Variants in SPDYE4 observed in about 807,000 individuals in gnomAD.
SPDYE4 encodes the protein speedy protein E4.
A neutral mutation model predicts 37.5 loss-of-function variants in SPDYE4; 30 were observed. The observed-to-expected ratio is 0.80, with a 90% confidence interval of 0.60 to 1.09. The LOEUF is 1.09. Among genes scored for constraint, SPDYE4 ranks in the 50% least tolerant of loss-of-function variants. The probability of loss-of-function intolerance (pLI) is 0.00; values close to 1 mark genes in which losing one functional copy is unlikely to be tolerated. For synonymous variants in SPDYE4, 131 were observed against 120.3 expected (o/e 1.09, Z -0.58); for missense variants, 300 against 307.9 (o/e 0.97, Z 0.19).
intron 6 of SPDYE4, among the ~76,000 whole-genome samples, 140 bp downstream of exon 6, chr17:8,752,954 G>A (rs778732171): frequency 5.3e-5 from 8 of 152,072 alleles, no homozygotes; most frequent in African/African-American, 1.4e-4. Flanking sequence ...CCACCAGGAC[G>A]CCCGGCTAAT....
At position 8,752,077 on chromosome 17, in the gene SPDYE4, C is replaced by T. The variant is rs988082102; in HGVS notation, c.*205G>A. 1.3e-5 allele frequency among the ~76,000 whole-genome samples: 2 copies of T among 152,110 alleles called. No individual in the cohort carries two copies. The highest frequency in any genetic ancestry group is 1.9e-4 in the East Asian group (1 of 5,196). On this transcript the variant is annotated 3_prime_UTR_variant, in exon 7 of 7. Coordinates refer to ENST00000689094, the MANE Select transcript of SPDYE4 (RefSeq NM_001394956.1). ...ACTCCTAGAAATACCTCCATGGCTCCTAGGAGGAAAACCTGGTCAATCTAT... is the reference window on the plus strand; with the variant it reads ...ACTCCTAGAAATACCTCCATGGCTCTTAGGAGGAAAACCTGGTCAATCTAT...
At position 8,758,366 on chromosome 17, in the gene SPDYE4, G is replaced by A. The variant is rs34694079; in HGVS notation, c.17C>T (p.Ala6Val). Residue 6 changes from alanine to valine, a missense_variant, in exon 1 of 7, where the codon GCG becomes GTG. Physicochemically the swap from Ala to Val is moderately conservative, Grantham distance 64. Transcript: ENST00000689094. MASGQ[A>V]RPPFEEESPQ... ...GCTCTCCTCCTCAAACGGGGGGCGC[G>A]CTTGACCACTGGCCATAATCTCTCC... 7.9e-3 allele frequency: 12,309 copies of A among 1,551,206 alleles called. 65 individuals are homozygous for A. The highest frequency in any genetic ancestry group is 9.7e-3 in the Middle Eastern group (58 of 5,992).
chr17:8,748,323 G>A (rs368680027), downstream of SPDYE4, among the ~76,000 whole-genome samples: 1 of 152,252 alleles, frequency 6.6e-6, no homozygotes. Context: ...ATGTGAGGGA[G>A]CAACAGGAAG....
chr17:8,757,786 T>TC (rs534306602), intron 1 of SPDYE4, among the ~76,000 whole-genome samples: 66 of 114,110 alleles, frequency 5.8e-4, no homozygotes, highest in East Asian at 5.6e-3. Context: ...TCTCTCTCTC[T>TC]TTTTTTTTTT....
intron 4 of SPDYE4, 52 bp from the exon 5 acceptor site, chr17:8,753,541 T>C: frequency 3.8e-6 from 6 of 1,598,738 alleles, no homozygotes; most frequent in Non-Finnish European, 5.1e-6. Context: ...GAGGGACCCC[T>C]GCCTGAGGGC....
At chr17:8,755,056 G>T (rs1191760938) in intron 4 of SPDYE4, among the ~76,000 whole-genome samples, 1 of 152,234 alleles carries the variant, frequency 6.6e-6, no homozygotes, top group East Asian at 1.9e-4. Flanking sequence ...TATTCAGGCA[G>T]CACTAGGAAG....
chr17:8,752,364 C>T (rs2086734227), intron 6 of SPDYE4, among the ~76,000 whole-genome samples, 127 bp from the exon 7 acceptor site: 1 of 152,116 alleles, frequency 6.6e-6, no homozygotes, highest in Admixed American at 6.5e-5. Flanking sequence ...ATCTCTAACC[C>T]TTTATTGTAA....
chr17:8,750,204 C>A (rs954439962), downstream of SPDYE4, among the ~76,000 whole-genome samples: 2 of 152,100 alleles, frequency 1.3e-5, no homozygotes, highest in African/African-American at 4.8e-5. Flanking sequence ...GCCCGGCCAA[C>A]ATGGTGAAAT....
intron 4 of SPDYE4, among the ~76,000 whole-genome samples, chr17:8,754,251 C>T (rs899473904): frequency 1.3e-5 from 2 of 152,160 alleles, no homozygotes; most frequent in South Asian, 2.1e-4. Flanking sequence ...AACATGAGCA[C>T]TTGCAAAATG....
intron 6 of SPDYE4, among the ~76,000 whole-genome samples, chr17:8,752,631 C>T (rs533611956): frequency 6.6e-6 from 1 of 152,100 alleles, no homozygotes; most frequent in Non-Finnish European, 1.5e-5. Flanking sequence ...ACCTCAGGAA[C>T]CAGCAGACCA....
chr17:8,754,736 G>A (rs1460002608), intron 4 of SPDYE4, among the ~76,000 whole-genome samples: 2 of 152,246 alleles, frequency 1.3e-5, no homozygotes, highest in Admixed American at 6.5e-5. Flanking sequence ...GAAGCTGGAA[G>A]ATCAGGGGAG....
At chr17:8,753,914 T>C (rs1310602884) in intron 4 of SPDYE4, among the ~76,000 whole-genome samples, 3 of 152,098 alleles carry the variant, frequency 2.0e-5, no homozygotes, top group Admixed American at 1.3e-4. Context: ...TCCCTGTTCC[T>C]CCCACACCCC....
At chr17:8,747,628 G>GT (rs1366093335), downstream of SPDYE4, among the ~76,000 whole-genome samples, 3 of 152,036 alleles carry the variant, frequency 2.0e-5, no homozygotes, top group Admixed American at 6.6e-5. Context: ...TACTTTTTTG[G>GT]TTTTTTTGCC....
intron 1 of SPDYE4, 146 bp downstream of exon 1, chr17:8,758,128 C>CA: frequency 1.5e-6 from 1 of 678,814 alleles, no homozygotes; most frequent in South Asian, 1.9e-5. Flanking sequence ...CCATTCCCTG[C>CA]ACCCTCCTTC....
Position 8,751,795 on chromosome 17 carries a change from A to G in SPDYE4, c.*487T>C, listed in dbSNP as rs1183362150. Among the ~76,000 whole-genome samples, 1 of 152,208 alleles carries G rather than the reference A, an allele frequency of 6.6e-6. No homozygotes were observed. Among genetic ancestry groups the G allele is most frequent in the Non-Finnish European group, 1.5e-5 (1 of 68,032 alleles). ...CCAACATTTGAAAAATAAACCAACAAAATGTACAGTATCTATTAAACTATC... is the reference window on the plus strand; with the variant it reads ...CCAACATTTGAAAAATAAACCAACAGAATGTACAGTATCTATTAAACTATC... On this transcript the variant is annotated 3_prime_UTR_variant, in exon 7 of 7. Coordinates refer to ENST00000689094, the MANE Select transcript of SPDYE4 (RefSeq NM_001394956.1).
rs534350408 is a variant in SPDYE4, at chr17:8,752,203, T to C, written c.*79A>G. Among the ~76,000 whole-genome samples the C allele has an allele frequency of 2.2e-4, 33 of 152,272 alleles. No individual in the cohort carries two copies. Among genetic ancestry groups the C allele is most frequent in the African/African-American group, 7.7e-4 (32 of 41,542 alleles). ...GGCATTAGCGTCGCGATAAACTTCC[T>C]GCTGAAAATTCCCATCTCCCCTGGG... On this transcript the variant is annotated 3_prime_UTR_variant, in exon 7 of 7. Coordinates refer to ENST00000689094, the MANE Select transcript of SPDYE4 (RefSeq NM_001394956.1).
rs2086732336 is a variant in SPDYE4, at chr17:8,752,098, T to C, written c.*184A>G. ...GCTCCTAGGAGGAAAACCTGGTCAATCTATTTTGCCCCTTCTAGAAGAGTC... is the reference window on the plus strand; with the variant it reads ...GCTCCTAGGAGGAAAACCTGGTCAACCTATTTTGCCCCTTCTAGAAGAGTC... On this transcript the variant is annotated 3_prime_UTR_variant, in exon 7 of 7. Transcript: ENST00000689094. Among the ~76,000 whole-genome samples, 1 of 152,166 alleles carries C rather than the reference T, an allele frequency of 6.6e-6. No individual in the cohort carries two copies. The highest frequency in any genetic ancestry group is 1.5e-5 in the Non-Finnish European group (1 of 68,022).
At chr17:8,756,324 T>C in intron 3 of SPDYE4, 54 bp downstream of exon 3, 1 of 1,563,716 alleles carries the variant, frequency 6.4e-7, no homozygotes, top group Non-Finnish European at 8.8e-7. Context: ...CGCTGCACCC[T>C]TCCCCAGGAC....
chr17:8,752,038 C>T lies in SPDYE4; in HGVS notation c.*244G>A, dbSNP rs1422425817. On this transcript the variant is annotated 3_prime_UTR_variant, in exon 7 of 7. Transcript: ENST00000689094. ...AACCAGAAACACCCCTGGTTTCTCA[C>T]TTTCCCTCCACTGACTCCTAGAAAT... 6.6e-6 allele frequency among the ~76,000 whole-genome samples: 1 copy of T among 152,148 alleles called. No homozygotes were observed. The highest frequency in any genetic ancestry group is 1.5e-5 in the Non-Finnish European group (1 of 68,018).
Sources: allele counts gnomAD v4.1 joint callset (sites outside exome capture counted in the v4.1 genomes callset), GRCh38; gene constraint gnomAD v4.1.1; transcripts MANE v1.5; gene names NCBI Gene and HGNC (gene_info 2026-07-23, HGNC 2026-07-21).